LRRK2: variants seen among roughly 807,000 people sequenced by gnomAD.
LRRK2 encodes leucine rich repeat kinase 2, also known as leucine-rich repeat serine/threonine-protein kinase 2.
In LRRK2, 203 loss-of-function variants were observed where a neutral mutation model predicts 302.6. The observed-to-expected ratio is 0.67, with a 90% CI of 0.60 to 0.75. The LOEUF (loss-of-function observed/expected upper bound fraction) is 0.75, where lower values mean the gene tolerates loss of function less well. LRRK2 is among the 30% of genes least tolerant of loss of function. The pLI is 0.00. For missense variants in LRRK2, 2,830 were observed against 2,951.0 expected (o/e 0.96, Z 0.95); for synonymous variants, 1,066 against 1,031.9 (o/e 1.03, Z -0.63).
In LRRK2 at chr12:40,340,316, A is replaced by G; in HGVS notation, c.5971A>G (p.Ile1991Val). ...GLRYLHSAMI[I>V]YRDLKPHNVL... Reference sequence around the variant, plus strand: ...CAGATACCTCCACTCAGCCATGATTATATACCGAGACCTGAAACCCCACAA... The same window carrying G: ...CAGATACCTCCACTCAGCCATGATTGTATACCGAGACCTGAAACCCCACAA... The change falls in exon 41 of 51, where the codon ATA (isoleucine) becomes GTA (valine). Residue 1991 changes from isoleucine (I) to valine (V), a missense_variant. This residue lies in a region of LRRK2 where 253 missense variants were observed against 346.7 expected (regional missense o/e 0.73). Transcript: ENST00000298910. The G allele has an allele frequency of 6.2e-7, 1 of 1,613,872 alleles. No homozygotes were observed. The highest frequency in any genetic ancestry group is 8.5e-7 in the Non-Finnish European group (1 of 1,179,778).
intron 38 of LRRK2, 62 bp from the exon 39 acceptor site, chr12:40,328,298 T>C: frequency 8.1e-7 from 1 of 1,237,248 alleles, no homozygotes; most frequent in South Asian, 1.2e-5. Flanking sequence ...ACAGATATAA[T>C]TTATTTAGTT....
intron 18 of LRRK2, among the ~76,000 whole-genome samples, chr12:40,282,021 TTC>T (rs1943718838): frequency 2.7e-4 from 2 of 7,466 alleles, no homozygotes; most frequent in Non-Finnish European, 5.5e-4. Flanking sequence ...TTCCCTTCCC[TTC>T]CCTTCCCTTC....
In LRRK2 at chr12:40,352,546, G is replaced by A. The variant is rs957428330; in HGVS notation, c.6576+813G>A. On this transcript the variant is annotated intron_variant, in intron 44 of 50. Coordinates refer to ENST00000298910, the MANE Select transcript of LRRK2 (RefSeq NM_198578.4). ...CAGGGTCATAGGACAATAATGGAGGGAAGGTCAGCAGATAAACAAGTGAAC... is the reference window on the plus strand; with the variant it reads ...CAGGGTCATAGGACAATAATGGAGGAAAGGTCAGCAGATAAACAAGTGAAC... Among the ~76,000 whole-genome samples the A allele has an allele frequency of 6.0e-5, 9 of 149,330 alleles. No homozygotes were observed. In the South Asian group the frequency reaches 1.7e-3, roughly 28 times the overall value.
chr12:40,328,249 G>A (rs1175480586), intron 38 of LRRK2, 111 bp from the exon 39 acceptor site: 15 of 782,890 alleles, frequency 1.9e-5, no homozygotes, highest in Non-Finnish European at 3.3e-5. Flanking sequence ...AAACAAGTAG[G>A]TCAGGTTTCT....
In LRRK2 at chr12:40,346,848, A is replaced by G. The variant is rs1228541188; in HGVS notation, c.6205A>G (p.Thr2069Ala). 6.2e-7 allele frequency: 1 copy of G among 1,613,788 alleles called. No homozygotes were observed. Among genetic ancestry groups the G allele is most frequent in the African/African-American group, 1.3e-5 (1 of 74,926 alleles). ...FGLLLYDILT[T>A]GGRIVEGLKF... is the part of the protein sequence containing the mutation. The stretch of plus-strand genomic sequence containing the variant: ...TTTACTACTCTATGACATTTTGACA[A>G]CTGGAGGTAGAATAGTAGAGGGTTT... Residue 2069 changes from threonine (T) to alanine (A), a missense_variant, in exon 42 of 51, where the codon ACT becomes GCT. Physicochemically the swap from Thr to Ala is moderately conservative, Grantham distance 58. This residue lies in a region of LRRK2 where 253 missense variants were observed against 346.7 expected (regional missense o/e 0.73). Transcript: ENST00000298910.
At chr12:40,333,165 C>T (rs1945764530) in intron 39 of LRRK2, among the ~76,000 whole-genome samples, 1 of 152,092 alleles carries the variant, frequency 6.6e-6, no homozygotes, top group South Asian at 2.1e-4. Flanking sequence ...GCTAACTTAA[C>T]TCCTTCTCAT....
intron 39 of LRRK2, among the ~76,000 whole-genome samples, chr12:40,333,992 A>C (rs1945793858): frequency 6.6e-6 from 1 of 152,172 alleles, no homozygotes; most frequent in African/African-American, 2.4e-5. Context: ...AGGCCGTGGA[A>C]GTAGATGGGA....
rs763128299 is a variant in LRRK2 at position 40,310,440 on chromosome 12, T to G, written c.4327T>G (p.Ser1443Ala). The G allele has an allele frequency of 1.1e-5, 17 of 1,613,308 alleles. No individual in the cohort carries two copies. Among genetic ancestry groups the G allele is most frequent in the Admixed American group, 1.7e-5 (1 of 59,878 alleles). ...GTGTCTTTCCCTCCAGGCTCGCGCT[T>G]CTTCTTCCCCTGTGATTCTCGTTGG... ...PWLFNIKARA[S>A]SSPVILVGTH... is the part of the protein sequence containing the mutation. The change falls in exon 31 of 51, where the codon TCT becomes GCT. Residue 1443 changes from serine to alanine, a missense_variant. This residue lies in a region of LRRK2 where 2,121 missense variants were observed against 2,148.0 expected (regional missense o/e 0.99). Coordinates refer to ENST00000298910, the MANE Select transcript of LRRK2 (RefSeq NM_198578.4).
At chr12:40,356,613 A>G (rs1946547361) in intron 46 of LRRK2, among the ~76,000 whole-genome samples, 1 of 152,116 alleles carries the variant, frequency 6.6e-6, no homozygotes, top group African/African-American at 2.4e-5. Context: ...TAAAGCATTC[A>G]TTTCTCTATC....
intron 4 of LRRK2, among the ~76,000 whole-genome samples, chr12:40,236,367 C>T (rs1315106628): frequency 6.6e-6 from 1 of 152,120 alleles, no homozygotes; most frequent in African/African-American, 2.4e-5. Flanking sequence ...GCTTTGGCCA[C>T]TAAGAGGTAG....
chr12:40,289,459 A>G (rs1249603225), intron 20 of LRRK2, among the ~76,000 whole-genome samples: 1 of 150,450 alleles, frequency 6.6e-6, no homozygotes, highest in African/African-American at 2.4e-5. Context: ...TTAAGTCCAT[A>G]TTTAGATTTT....
intron 10 of LRRK2, 138 bp downstream of exon 10, chr12:40,251,682 A>G (rs1270375195): frequency 1.4e-6 from 1 of 723,852 alleles, no homozygotes; most frequent in African/African-American, 1.8e-5. Context: ...GCTGCAAAAT[A>G]GTAGTAGGTA....
At chr12:40,289,449 T>C (rs903217741) in intron 20 of LRRK2, among the ~76,000 whole-genome samples, 1 of 150,728 alleles carries the variant, frequency 6.6e-6, no homozygotes, top group Non-Finnish European at 1.5e-5. Context: ...TTTATTGTAA[T>C]TAAGTCCATA....
Position 40,277,974 on chromosome 12 carries a change from C to T in LRRK2, c.2028C>T (p.Phe676=). 1 of 1,613,298 alleles carries T rather than the reference C, an allele frequency of 6.2e-7. No individual in the cohort carries two copies. Among genetic ancestry groups the T allele is most frequent in the Non-Finnish European group, 8.5e-7 (1 of 1,179,774 alleles). Residue 676 remains phenylalanine, a synonymous_variant, in exon 17 of 51, where the codon TTC becomes TTT. Transcript: ENST00000298910. ...LVHHSFDLVI[F]HQMSSNIMEQ... ...ATCATTCATTTGACTTAGTAATATT[C>T]CATCAAATGTCTTCCAATATCATGG...
At chr12:40,315,059 A>C (rs530060814) in intron 32 of LRRK2, among the ~76,000 whole-genome samples, 153 bp from the exon 33 acceptor site, 2 of 152,202 alleles carry the variant, frequency 1.3e-5, no homozygotes, top group South Asian at 4.1e-4. Context: ...ACTTTAGACC[A>C]TAGGATGCAC....
intron 14 of LRRK2, among the ~76,000 whole-genome samples, chr12:40,264,771 T>C (rs1362206430): frequency 1.3e-5 from 2 of 152,248 alleles, no homozygotes; most frequent in African/African-American, 4.8e-5. Flanking sequence ...GTTCCTACAT[T>C]ATAATTAAAG....
Position 40,287,210 on chromosome 12 carries a change from T to A in LRRK2, c.2501-141T>A. 4.2e-6 allele frequency: 3 copies of A among 709,228 alleles called. No individual in the cohort carries two copies. In the Admixed American group the frequency reaches 7.0e-5, roughly 17 times the overall value. The allele number at this position is 709,228 out of a possible 1,614,324, so 43.9% of individuals were successfully genotyped here. ...TCTGCCACCTGTTAATTATTCAGGA[T>A]CACTAGTGTAAGGTGACTTTGAAAG... On this transcript the variant is annotated intron_variant, in intron 19 of 50. Transcript: ENST00000298910.
rs747394402 is a variant in LRRK2 at position 40,238,533 on chromosome 12, A to G, written c.571+430A>G. On this transcript the variant is annotated intron_variant, in intron 5 of 50. Coordinates refer to ENST00000298910, the MANE Select transcript of LRRK2 (RefSeq NM_198578.4). ...CAGGAAAAAGACTAATATGCATTTC[A>G]TAGCCTGGCCCTGAGATTGATAACT... 2.4e-4 allele frequency among the ~76,000 whole-genome samples: 36 copies of G among 152,320 alleles called. 1 individual carries two copies. Among genetic ancestry groups the G allele is most frequent in the Non-Finnish European group, 4.9e-4 (33 of 68,008 alleles).
At chr12:40,332,884 A>G (rs1444690767) in intron 39 of LRRK2, among the ~76,000 whole-genome samples, 1 of 151,742 alleles carries the variant, frequency 6.6e-6, no homozygotes, top group African/African-American at 2.4e-5. Flanking sequence ...CAATTAGTGT[A>G]TAAGCAGGGA....
Sources: gnomAD v4.1 joint callset for allele counts (sites outside exome capture counted in the v4.1 genomes callset) on GRCh38, gnomAD v4.1.1 for gene constraint, gnomAD v4.1.1 regional missense constraint, MANE v1.5 for transcripts, NCBI Gene and HGNC (gene_info 2026-07-23, HGNC 2026-07-21) for gene names.